Variants in KHDRBS2 observed in about 807,000 individuals in gnomAD.
The protein encoded by KHDRBS2 is KH RNA binding domain containing, signal transduction associated 2.
A neutral mutation model predicts 44.3 loss-of-function variants in KHDRBS2; 26 were observed. That is an observed-to-expected ratio of 0.59 (90% CI 0.43 to 0.81). KHDRBS2 has a LOEUF of 0.81. Ranked by LOEUF, KHDRBS2 falls within the 40% of genes least tolerant of loss-of-function variation. The pLI, the probability that KHDRBS2 is intolerant of heterozygous loss-of-function variation, is 0.00. For missense variants in KHDRBS2, 476 were observed against 433.1 expected (o/e 1.10, Z -0.88); for synonymous variants, 194 against 151.1 (o/e 1.28, Z -2.08).
intron 6 of KHDRBS2, among the ~76,000 whole-genome samples, chr6:61,844,754 TTC>T (rs1401865775): frequency 1.2e-3 from 34 of 27,990 alleles, no homozygotes; most frequent in African/African-American, 4.4e-3. Flanking sequence ...TTCACTGTCC[TTC>T]TTCTGAAATC....
the KHDRBS2 span, among the ~76,000 whole-genome samples, chr6:61,552,245 T>C: frequency 2.0e-5 from 3 of 152,062 alleles, no homozygotes; most frequent in South Asian, 2.1e-4. Context: ...TGGATAACTG[T>C]ATTCCTTGGT....
intron 3 of KHDRBS2, among the ~76,000 whole-genome samples, chr6:62,044,179 G>A (rs999853321): frequency 5.3e-5 from 8 of 151,768 alleles, no homozygotes; most frequent in African/African-American, 1.7e-4. Context: ...CCAGTCTCCC[G>A]CTTAAGTGCT....
At chr6:62,099,605 A>G (rs1177394516) in intron 2 of KHDRBS2, among the ~76,000 whole-genome samples, 2 of 152,018 alleles carry the variant, frequency 1.3e-5, no homozygotes, top group Non-Finnish European at 2.9e-5. Flanking sequence ...CCCATGCTGG[A>G]CCTCCCTGGT....
intron 8 of KHDRBS2, among the ~76,000 whole-genome samples, chr6:61,694,750 C>G (rs1015856931): frequency 3.9e-5 from 6 of 152,030 alleles, no homozygotes; most frequent in African/African-American, 1.5e-4. Flanking sequence ...CCTTTGACCC[C>G]TTCCTTCCAA....
At chr6:62,273,147 G>A (rs1464310561) in intron 1 of KHDRBS2, among the ~76,000 whole-genome samples, 1 of 152,004 alleles carries the variant, frequency 6.6e-6, no homozygotes, top group Non-Finnish European at 1.5e-5. Context: ...TCATTTTACT[G>A]TCCCCATTTA....
chr6:61,830,330 C>T (rs989378438), intron 6 of KHDRBS2, among the ~76,000 whole-genome samples: 1 of 152,146 alleles, frequency 6.6e-6, no homozygotes, highest in African/African-American at 2.4e-5. Flanking sequence ...AAATTGACAG[C>T]TATACATTCA....
At chr6:62,062,458 C>T (rs907604688) in intron 2 of KHDRBS2, among the ~76,000 whole-genome samples, 325 of 151,778 alleles carry the variant, frequency 2.1e-3, no homozygotes, top group Non-Finnish European at 3.5e-3. Flanking sequence ...CAAACTAGAA[C>T]TCAGGATTAA....
At chr6:61,623,480 A>T in the KHDRBS2 span, among the ~76,000 whole-genome samples, 1 of 152,174 alleles carries the variant, frequency 6.6e-6, no homozygotes, top group African/African-American at 2.4e-5. Context: ...CTGAGCCCTG[A>T]TAGAGACATA....
chr6:61,977,457 C>T (rs974405501), intron 4 of KHDRBS2, among the ~76,000 whole-genome samples: 3 of 152,112 alleles, frequency 2.0e-5, no homozygotes, highest in African/African-American at 4.8e-5. Context: ...TGTTGCCCTA[C>T]TAAATAAACA....
At chr6:61,963,488 T>C (rs1769218756) in intron 4 of KHDRBS2, among the ~76,000 whole-genome samples, 3 of 152,084 alleles carry the variant, frequency 2.0e-5, no homozygotes, top group Admixed American at 1.3e-4. Flanking sequence ...AAGTTTAGCT[T>C]CTTCACTGCA....
chr6:61,909,940 CAT>C (rs1562422324), intron 4 of KHDRBS2, among the ~76,000 whole-genome samples: 2 of 152,166 alleles, frequency 1.3e-5, no homozygotes, highest in African/African-American at 4.8e-5. Context: ...CCACTGGTAA[CAT>C]GTGAACATAT....
At chr6:61,622,309 T>C in the KHDRBS2 span, among the ~76,000 whole-genome samples, 5 of 152,050 alleles carry the variant, frequency 3.3e-5, no homozygotes, top group Admixed American at 2.6e-4. Context: ...CCTTCAGGAG[T>C]TGCCTCATCT....
chr6:62,107,478 T>C (rs1803724982), intron 2 of KHDRBS2, among the ~76,000 whole-genome samples: 1 of 152,202 alleles, frequency 6.6e-6, no homozygotes, highest in Non-Finnish European at 1.5e-5. Flanking sequence ...TCCATGCTCA[T>C]GGGTAGGAAG....
intron 2 of KHDRBS2, among the ~76,000 whole-genome samples, chr6:62,094,798 A>C (rs561697572): frequency 6.6e-6 from 1 of 151,904 alleles, no homozygotes; most frequent in African/African-American, 2.4e-5. Flanking sequence ...TTTCCTCATC[A>C]CCATTTATCG....
the KHDRBS2 span, among the ~76,000 whole-genome samples, chr6:61,634,860 A>G: frequency 2.0e-5 from 3 of 152,064 alleles, no homozygotes; most frequent in Non-Finnish European, 4.4e-5. Context: ...CTTTTGATAA[A>G]TGAACAACAT....
chr6:62,199,268 C>T (rs1402901532), intron 1 of KHDRBS2, among the ~76,000 whole-genome samples: 1 of 152,060 alleles, frequency 6.6e-6, no homozygotes, highest in South Asian at 2.1e-4. Flanking sequence ...AAATAAAGGT[C>T]ATTCAATTAG....
chr6:61,629,174 G>A, the KHDRBS2 span, among the ~76,000 whole-genome samples: 3 of 151,856 alleles, frequency 2.0e-5, no homozygotes, highest in Non-Finnish European at 2.9e-5. Flanking sequence ...GTGATTTTTC[G>A]CTTACTTGCT....
Position 61,920,429 on chromosome 6 carries a change from G to A in KHDRBS2, c.484-19058C>T, listed in dbSNP as rs574262235. ...ATGTTAGTTCTTATGCTCCCCAGGG[G>A]GATTACAGAATTGCCTACTCTCCTA... On this transcript the variant is annotated intron_variant, in intron 4 of 8. Transcript: ENST00000281156. Among the ~76,000 whole-genome samples the A allele has an allele frequency of 3.3e-5, 5 of 151,818 alleles. No homozygotes were observed. In the East Asian group the frequency reaches 9.7e-4, roughly 30 times the overall value.
At chr6:62,048,090 T>C (rs564956306) in intron 2 of KHDRBS2, 96 bp from the exon 3 acceptor site, 1 of 716,658 alleles carries the variant, frequency 1.4e-6, no homozygotes, top group African/African-American at 1.8e-5. Context: ...TTCCAAACTT[T>C]ACCACTGAGA....
Sources: gnomAD v4.1 joint callset for allele counts (sites outside exome capture counted in the v4.1 genomes callset) on GRCh38, gnomAD v4.1.1 for gene constraint, MANE v1.5 for transcripts, NCBI Gene and HGNC (gene_info 2026-07-23, HGNC 2026-07-21) for gene names.